The following MORC4 variants were observed in gnomAD, a reference collection of about 807,000 sequenced individuals.
MORC4 encodes the protein MORC family CW-type zinc finger 4.
Under a neutral mutation model 65.5 loss-of-function variants are expected in MORC4, and 22 were observed. That is an observed-to-expected ratio of 0.34 (90% CI 0.24 to 0.48). The LOEUF is 0.48. Among genes scored for constraint, MORC4 ranks in the 20% least tolerant of loss-of-function variants. The pLI is 0.99. For missense variants in MORC4, 624 were observed against 703.0 expected (o/e 0.89, Z 1.27); for synonymous variants, 267 against 255.8 (o/e 1.04, Z -0.42).
At chrX:106,982,268 A>G (rs1934762287) in intron 5 of MORC4, among the ~76,000 whole-genome samples, 1 of 112,521 alleles carries the variant, frequency 8.9e-6, no homozygotes, top group South Asian at 3.7e-4. Context: ...TTAAAAAGAA[A>G]TAAATACATA....
At chrX:106,966,534 G>C (rs944217098) in intron 9 of MORC4, among the ~76,000 whole-genome samples, 4 of 112,618 alleles carry the variant, frequency 3.6e-5, no homozygotes, top group African/African-American at 1.3e-4. Flanking sequence ...TCCTAGCCAA[G>C]GGAAGCCGTG....
chrX:106,956,621 G>C, intron 12 of MORC4, 87 bp from the exon 13 acceptor site: 2 of 807,115 alleles, frequency 2.5e-6, no homozygotes, highest in Non-Finnish European at 3.7e-6. Context: ...AGGTTATAAT[G>C]TTCCTTCCAA....
At chrX:106,996,643 A>G (rs1310596964) in intron 2 of MORC4, among the ~76,000 whole-genome samples, 1 of 111,294 alleles carries the variant, frequency 9.0e-6, no homozygotes, top group Non-Finnish European at 1.9e-5. Flanking sequence ...CAGGTAGCAC[A>G]ATGAAAGAAC....
chrX:106,986,561 GAAGTA>G (rs1324254956), intron 3 of MORC4, among the ~76,000 whole-genome samples: 3 of 111,729 alleles, frequency 2.7e-5, no homozygotes, highest in Non-Finnish European at 5.6e-5. Flanking sequence ...GATTGCTGTA[GAAGTA>G]AAGTTAGGGT....
intron 9 of MORC4, among the ~76,000 whole-genome samples, chrX:106,968,147 G>T (rs1188008811): frequency 8.9e-6 from 1 of 111,873 alleles, no homozygotes; most frequent in Non-Finnish European, 1.9e-5. Flanking sequence ...CCAGAAGAGA[G>T]TAGGGGCCAA....
chrX:106,946,780 T>C (rs1933837723), intron 14 of MORC4, among the ~76,000 whole-genome samples: 1 of 111,618 alleles, frequency 9.0e-6, no homozygotes. Flanking sequence ...TCCAAGTAGC[T>C]GGAACTACAG....
At position 106,948,757 on chromosome X, in the gene MORC4, G is replaced by A. The variant is rs1015004910; in HGVS notation, c.1686-5552C>T. Among the ~76,000 whole-genome samples, 6 of 111,351 alleles carry A rather than the reference G, an allele frequency of 5.4e-5. No homozygotes were observed. The East Asian group carries it at 1.4e-3, about 26-fold the overall frequency. Reference sequence around the variant, plus strand: ...TTCAGTCCTTTGAATACGTCATCACGCTGCCTTCTTGTTCCCATTTTTTTC... The same window carrying A: ...TTCAGTCCTTTGAATACGTCATCACACTGCCTTCTTGTTCCCATTTTTTTC... On this transcript the variant is annotated intron_variant, in intron 14 of 16. Transcript: ENST00000355610.
intron 10 of MORC4, among the ~76,000 whole-genome samples, chrX:106,960,081 G>T (rs750595217): frequency 1.3e-4 from 15 of 111,895 alleles, no homozygotes; most frequent in Non-Finnish European, 2.8e-4. Flanking sequence ...TCTAAGCTCA[G>T]GCCTGACCTC....
At chrX:106,999,637 G>A (rs1373626523) in intron 2 of MORC4, 40 bp downstream of exon 2, 1 of 1,106,516 alleles carries the variant, frequency 9.0e-7, no homozygotes. Context: ...TGGCACCACT[G>A]CCTCGGGCGA....
chrX:106,981,563 C>A lies in MORC4; in HGVS notation c.675-86G>T, dbSNP rs1415280676. 8 of 811,346 alleles carry A rather than the reference C, an allele frequency of 9.9e-6. No homozygotes were observed. The African/African-American group carries it at 1.7e-4, about 17-fold the overall frequency. 66.9% of individuals were successfully genotyped at this position (811,346 alleles called of 1,213,427 possible). Reference sequence around the variant, plus strand: ...ACTAGGAGCCCAAAAGAAAAAAAAACAATATGAGCCAAAACTCAGGTATCT... The same window carrying A: ...ACTAGGAGCCCAAAAGAAAAAAAAAAAATATGAGCCAAAACTCAGGTATCT... On this transcript the variant is annotated intron_variant, in intron 5 of 16. Coordinates refer to ENST00000355610, the MANE Select transcript of MORC4 (RefSeq NM_024657.5).
At position 106,943,003 on chromosome X, in the gene MORC4, G is replaced by A; in HGVS notation, c.1888C>T (p.Pro630Ser). The change falls in exon 15 of 17, where the codon CCA becomes TCA. Residue 630 changes from proline to serine, a missense_variant. By Grantham distance (74) the Pro-to-Ser change is moderately conservative. Transcript: ENST00000355610. ...STPPYLFPEYPEASKNTGQNR... is the reference protein window; with the variant it reads ...STPPYLFPEYSEASKNTGQNR... ...TGACCTGTATTCTTGCTTGCTTCTG[G>A]GTATTCTGGGAAAAGGTATGGTGGT... is the stretch of plus-strand genomic sequence containing the variant. 1 of 1,210,896 alleles carries A rather than the reference G, an allele frequency of 8.3e-7. No individual in the cohort carries two copies. Among genetic ancestry groups the A allele is most frequent in the African/African-American group, 1.7e-5 (1 of 57,534 alleles).
chrX:106,957,106 T>C (rs1443765344), intron 11 of MORC4, 102 bp from the exon 12 acceptor site: 1 of 451,271 alleles, frequency 2.2e-6, no homozygotes, highest in African/African-American at 2.4e-5. Flanking sequence ...TCTCTAACAT[T>C]ACAGAGTTCA....
At chrX:106,980,781 A>G (rs976468955) in intron 7 of MORC4, 110 bp downstream of exon 7, 7 of 709,195 alleles carry the variant, frequency 9.9e-6, no homozygotes, top group Non-Finnish European at 1.1e-5. Flanking sequence ...GTACTATGAC[A>G]TACACTTTTT....
At chrX:106,957,669 G>C (rs1451543760) in intron 11 of MORC4, among the ~76,000 whole-genome samples, 2 of 111,684 alleles carry the variant, frequency 1.8e-5, no homozygotes, top group African/African-American at 6.5e-5. Context: ...AGATATGCCA[G>C]ACACTATTTA....
chrX:106,999,801 CTCCCCGCGCGCCCCCCGCAGCCCAGG>C, intron 1 of MORC4, 41 bp downstream of exon 1: 1 of 965,098 alleles, frequency 1.0e-6, no homozygotes, highest in Non-Finnish European at 1.3e-6. Flanking sequence ...CCGCCGGGCC[CTCCCCGCGCGCCCCCCGCAGCCCAGG>C]GGCCCGCGCG....
At position 106,944,310 on chromosome X, in the gene MORC4, T is replaced by C. The variant is rs150585508; in HGVS notation, c.1686-1105A>G. 7.1e-5 allele frequency among the ~76,000 whole-genome samples: 8 copies of C among 111,987 alleles called. No individual in the cohort carries two copies. The East Asian group carries it at 2.3e-3, about 32-fold the overall frequency. The stretch of plus-strand genomic sequence containing the variant: ...TAAAAGCAAAAGGACTTAGGAGCTA[T>C]GTAAGAATAACTGTATCCATCTTTG... On this transcript the variant is annotated intron_variant, in intron 14 of 16. Transcript: ENST00000355610.
At chrX:106,945,641 G>A (rs1007493803) in intron 14 of MORC4, among the ~76,000 whole-genome samples, 3 of 111,147 alleles carry the variant, frequency 2.7e-5, no homozygotes, top group Non-Finnish European at 5.7e-5. Flanking sequence ...TCTCCAGAAA[G>A]TCTGGCAAGT....
Position 106,991,655 on chromosome X carries a change from C to T in MORC4, c.308+1575G>A, listed in dbSNP as rs1934986370. Among the ~76,000 whole-genome samples the T allele has an allele frequency of 3.6e-5, 4 of 111,902 alleles. No individual in the cohort carries two copies. In the Admixed American group the frequency reaches 3.8e-4, roughly 11 times the overall value. ...CGGTGGTTCACACCTGTGATCCCAG[C>T]ACTTTGGGAGGCTGAGGTGGGCAGA... On this transcript the variant is annotated intron_variant, in intron 3 of 16. Transcript: ENST00000355610.
At chrX:106,970,613 C>CTT (rs745851599) in intron 9 of MORC4, among the ~76,000 whole-genome samples, 5 of 112,210 alleles carry the variant, frequency 4.5e-5, no homozygotes, top group Non-Finnish European at 7.5e-5. Flanking sequence ...TGATAAGCAA[C>CTT]TTCAGCAGTC....
Sources: gnomAD v4.1 joint callset for allele counts (sites outside exome capture counted in the v4.1 genomes callset) on GRCh38, gnomAD v4.1.1 for gene constraint, MANE v1.5 for transcripts, NCBI Gene and HGNC (gene_info 2026-07-23, HGNC 2026-07-21) for gene names.